SAMD3: variants seen among roughly 807,000 people sequenced by gnomAD.
The protein encoded by SAMD3 is sterile alpha motif domain containing 3.
SAMD3 carries 63 observed loss-of-function variants against 58.5 expected under a neutral mutation model. The ratio of observed to expected loss-of-function variants is 1.08; its 90% confidence interval spans 0.88 to 1.33. The LOEUF (loss-of-function observed/expected upper bound fraction) is 1.33, where lower values mean the gene tolerates loss of function less well. Ranked by LOEUF, SAMD3 falls within the 40% of genes most tolerant of loss-of-function variation. The pLI is 0.00. For missense variants in SAMD3, 604 were observed against 608.4 expected, an observed-to-expected ratio of 0.99 and a Z score of 0.08; for synonymous variants, 220 against 210.3, an observed-to-expected ratio of 1.05 and a Z score of -0.40.
chr6:130,346,818 G>A (rs1188733746), intron 1 of SAMD3, among the ~76,000 whole-genome samples: 2 of 152,198 alleles, frequency 1.3e-5, no homozygotes, highest in Non-Finnish European at 2.9e-5. Flanking sequence ...GCTTAACTGG[G>A]AGGCACCCCC....
chr6:130,274,019 C>T (rs972886430), intron 2 of SAMD3, among the ~76,000 whole-genome samples: 4 of 152,168 alleles, frequency 2.6e-5, no homozygotes, highest in Admixed American at 2.6e-4. Context: ...TGCACTTCAG[C>T]ATCCTTTTAT....
intron 9 of SAMD3, among the ~76,000 whole-genome samples, chr6:130,152,703 ACAAT>A (rs1446079651): frequency 8.7e-4 from 132 of 151,854 alleles, no homozygotes; most frequent in Non-Finnish European, 1.4e-3. Context: ...AATAAATAAA[ACAAT>A]CAACAGGCAA....
chr6:130,252,035 C>G (rs1773756805), intron 2 of SAMD3, among the ~76,000 whole-genome samples: 1 of 151,810 alleles, frequency 6.6e-6, no homozygotes, highest in Admixed American at 6.6e-5. Flanking sequence ...GTCTTCTTCT[C>G]TCTTCAGTTC....
At chr6:130,220,884 C>T (rs570582093) in intron 1 of SAMD3, among the ~76,000 whole-genome samples, 117 of 151,420 alleles carry the variant, frequency 7.7e-4, no homozygotes, top group African/African-American at 2.5e-3. Context: ...TTGACAGTCT[C>T]GCTCTGTTGC....
At chr6:130,165,071 T>C (rs1336960589) in intron 8 of SAMD3, among the ~76,000 whole-genome samples, 1 of 152,028 alleles carries the variant, frequency 6.6e-6, no homozygotes, top group African/African-American at 2.4e-5. Flanking sequence ...CAATAATAAA[T>C]AGAACTACTA....
chr6:130,215,324 A>C (rs1795939602), intron 2 of SAMD3, 30 bp from the exon 3 acceptor site: 1 of 1,429,110 alleles, frequency 7.0e-7, no homozygotes, highest in South Asian at 1.3e-5. Flanking sequence ...AGAATTCTCC[A>C]GCTTTTCTTT....
chr6:130,248,451 G>T (rs1253620614), intron 2 of SAMD3, among the ~76,000 whole-genome samples: 4 of 152,058 alleles, frequency 2.6e-5, no homozygotes, highest in Non-Finnish European at 5.9e-5. Context: ...TATAAAATGT[G>T]CAGAAACAAA....
intron 1 of SAMD3, among the ~76,000 whole-genome samples, chr6:130,328,851 T>C (rs1054492703): frequency 3.3e-5 from 5 of 152,206 alleles, no homozygotes; most frequent in African/African-American, 9.6e-5. Flanking sequence ...CCAAAGTAGA[T>C]AGTTGTAATG....
intron 1 of SAMD3, among the ~76,000 whole-genome samples, chr6:130,343,345 C>A (rs1300850922): frequency 6.6e-6 from 1 of 152,060 alleles, no homozygotes; most frequent in Non-Finnish European, 1.5e-5. Context: ...CTTTGACACA[C>A]ACTTCATTGC....
At chr6:130,184,654 T>C in intron 5 of SAMD3, 31 bp from the exon 6 acceptor site, 1 of 1,567,290 alleles carries the variant, frequency 6.4e-7, no homozygotes. Flanking sequence ...AAGAATGAAA[T>C]TCTATTCCAA....
chr6:130,293,522 A>C (rs1228251222), intron 2 of SAMD3, among the ~76,000 whole-genome samples: 1 of 151,704 alleles, frequency 6.6e-6, no homozygotes, highest in Non-Finnish European at 1.5e-5. Flanking sequence ...CCTTTTTGTG[A>C]CCATGTTTTT....
intron 1 of SAMD3, among the ~76,000 whole-genome samples, chr6:130,220,906 T>C (rs1487210460): frequency 2.6e-5 from 4 of 151,868 alleles, no homozygotes; most frequent in Admixed American, 6.6e-5. Flanking sequence ...CAGGCTGGAG[T>C]GCAGTGGCAC....
At chr6:130,365,740 A>G, upstream of SAMD3, 1 of 985,356 alleles carries the variant, frequency 1.0e-6, no homozygotes, top group Non-Finnish European at 1.2e-6. Context: ...GTTCCCAAAG[A>G]TGGGTTTTGT....
intron 8 of SAMD3, among the ~76,000 whole-genome samples, chr6:130,174,211 G>A (rs544785768): frequency 2.0e-5 from 3 of 152,284 alleles, no homozygotes; most frequent in African/African-American, 4.8e-5. Context: ...GGGTTCAGGC[G>A]CCACTGGGGT....
intron 1 of SAMD3, among the ~76,000 whole-genome samples, chr6:130,363,619 A>G (rs988201461): frequency 6.6e-6 from 1 of 152,164 alleles, no homozygotes; most frequent in African/African-American, 2.4e-5. Context: ...TTCAATTTTC[A>G]CAACACTTTG....
chr6:130,209,543 G>A lies in SAMD3; in HGVS notation c.335C>T (p.Ala112Val). 6.2e-7 allele frequency: 1 copy of A among 1,613,780 alleles called. No homozygotes were observed. The highest frequency in any genetic ancestry group is 1.1e-5 in the South Asian group (1 of 91,068). ...AATTAGTCCATTATCAAGGTTTTCAGCTGGATAGAAAGATGGCATCTGCTC... is the reference window on the plus strand; with the variant it reads ...AATTAGTCCATTATCAAGGTTTTCAACTGGATAGAAAGATGGCATCTGCTC... Reference protein sequence around the residue: ...HGEQMPSFYPAENLDNGLIDQ... With the variant: ...HGEQMPSFYPVENLDNGLIDQ... Residue 112 changes from alanine to valine, a missense_variant, in exon 5 of 12, where the codon GCT (alanine) becomes GTT (valine). By Grantham distance (64) the Ala-to-Val change is moderately conservative (BLOSUM62 0). Transcript: ENST00000439090.
intron 7 of SAMD3, among the ~76,000 whole-genome samples, chr6:130,178,532 T>C (rs1183520972): frequency 6.6e-6 from 1 of 152,200 alleles, no homozygotes; most frequent in Admixed American, 6.5e-5. Flanking sequence ...AAAATAACAT[T>C]AGCCAAATGC....
At chr6:130,207,533 A>C (rs1014363303) in intron 5 of SAMD3, among the ~76,000 whole-genome samples, 15 of 152,280 alleles carry the variant, frequency 9.9e-5, no homozygotes, top group Middle Eastern at 3.4e-3. Context: ...GACTGGCTGC[A>C]TTTAGCAGCT....
intron 2 of SAMD3, among the ~76,000 whole-genome samples, chr6:130,274,323 T>C (rs992686865): frequency 2.0e-5 from 3 of 152,126 alleles, no homozygotes; most frequent in African/African-American, 7.2e-5. Flanking sequence ...CTCTCCCTTT[T>C]CTTGCTTATA....
Sources: allele counts gnomAD v4.1 joint callset (sites outside exome capture counted in the v4.1 genomes callset), GRCh38; gene constraint gnomAD v4.1.1; transcripts MANE v1.5; gene names NCBI Gene and HGNC (gene_info 2026-07-23, HGNC 2026-07-21).